Variants in CRB1 observed in about 807,000 individuals in gnomAD.
The protein encoded by CRB1 is crumbs cell polarity complex component 1.
A neutral mutation model predicts 120.0 loss-of-function variants in CRB1; 83 were observed. That is an observed-to-expected ratio of 0.69 (90% CI 0.58 to 0.83). CRB1 has a LOEUF of 0.83. Among genes scored for constraint, CRB1 ranks in the 40% least tolerant of loss-of-function variants. The pLI is 0.00. For missense variants in CRB1, 1,699 were observed against 1,687.6 expected (o/e 1.01, Z -0.12); for synonymous variants, 625 against 612.5 (o/e 1.02, Z -0.30).
chr1:197,467,589 T>A (rs1420695289), intron 11 of CRB1, among the ~76,000 whole-genome samples: 1 of 152,226 alleles, frequency 6.6e-6, no homozygotes, highest in Non-Finnish European at 1.5e-5. Context: ...TATCTTTTTT[T>A]ATCTCAAACT....
At chr1:197,250,473 CCCTT>C in the CRB1 span, among the ~76,000 whole-genome samples, 33 of 152,084 alleles carry the variant, frequency 2.2e-4, no homozygotes, top group East Asian at 4.7e-3. Flanking sequence ...TTTTAGGACT[CCCTT>C]CCTGTCTGCT....
At chr1:197,457,228 T>C (rs1237943805) in intron 11 of CRB1, among the ~76,000 whole-genome samples, 2 of 152,092 alleles carry the variant, frequency 1.3e-5, no homozygotes, top group Non-Finnish European at 2.9e-5. Context: ...ATAATAATAC[T>C]AATAGTGGCT....
intron 11 of CRB1, among the ~76,000 whole-genome samples, chr1:197,460,001 CTTTTTTT>C (rs10679172): frequency 4.0e-5 from 3 of 75,614 alleles, no homozygotes; most frequent in African/African-American, 1.3e-4. Flanking sequence ...AAGCCCCCCT[CTTTTTTT>C]TTTTTTTTTT....
the CRB1 span, among the ~76,000 whole-genome samples, chr1:197,258,475 C>T: frequency 6.6e-6 from 1 of 152,144 alleles, no homozygotes; most frequent in East Asian, 1.9e-4. Context: ...CCCAATGTTC[C>T]ATTGATATTT....
At chr1:197,409,266 T>C (rs1663575917) in intron 5 of CRB1, among the ~76,000 whole-genome samples, 1 of 152,196 alleles carries the variant, frequency 6.6e-6, no homozygotes, top group Non-Finnish European at 1.5e-5. Flanking sequence ...ACCAACATAG[T>C]AACACCACAT....
chr1:197,283,123 A>T (rs932958629), intron 1 of CRB1, among the ~76,000 whole-genome samples: 5 of 152,076 alleles, frequency 3.3e-5, no homozygotes, highest in South Asian at 2.1e-4. Flanking sequence ...AAAAAAAATA[A>T]AAATAAACAC....
At position 197,327,108 on chromosome 1, in the gene CRB1, A is replaced by AC. The variant is rs1558055603; in HGVS notation, c.71-1314_71-1313insC. Among the ~76,000 whole-genome samples, 632 of 74,884 alleles carry AC rather than the reference A, an allele frequency of 8.4e-3. 11 individuals are homozygous for AC. Among genetic ancestry groups the AC allele is most frequent in the African/African-American group, 0.038 (599 of 15,792 alleles). 49.1% of individuals were successfully genotyped at this position (74,884 alleles called of 152,430 possible). ...TCACACACCAAAAAAAAAAAAAAAA[A>AC]AAAAAAAAAAAAAAAAAAAAAAAAC... On this transcript the variant is annotated intron_variant, in intron 1 of 11. Transcript: ENST00000367400.
intron 11 of CRB1, among the ~76,000 whole-genome samples, chr1:197,452,250 G>T (rs1057255010): frequency 3.3e-5 from 5 of 152,184 alleles, no homozygotes; most frequent in African/African-American, 9.6e-5. Flanking sequence ...GAGAGATTGT[G>T]AATGAGAGTC....
At chr1:197,236,687 G>C in the CRB1 span, among the ~76,000 whole-genome samples, 2 of 152,132 alleles carry the variant, frequency 1.3e-5, no homozygotes, top group Non-Finnish European at 2.9e-5. Flanking sequence ...AGTTAAAGAA[G>C]TTCCCCTCTA....
At chr1:197,397,237 A>G (rs1662817374) in intron 5 of CRB1, among the ~76,000 whole-genome samples, 1 of 152,142 alleles carries the variant, frequency 6.6e-6, no homozygotes. Context: ...GCAACTATTA[A>G]CTATTTTATA....
chr1:197,400,403 C>T (rs746594616), intron 5 of CRB1, among the ~76,000 whole-genome samples: 5 of 150,942 alleles, frequency 3.3e-5, no homozygotes, highest in Admixed American at 6.6e-5. Context: ...CCTGCAGCCT[C>T]GACATCCTAG....
the CRB1 span, among the ~76,000 whole-genome samples, chr1:197,208,342 G>C: frequency 5.3e-5 from 8 of 152,084 alleles, no homozygotes; most frequent in Non-Finnish European, 1.5e-5. Context: ...CTTCTCTTTT[G>C]GGTAGACTAT....
intron 3 of CRB1, among the ~76,000 whole-genome samples, chr1:197,346,902 C>T (rs1571877136): frequency 1.3e-5 from 2 of 152,152 alleles, no homozygotes; most frequent in African/African-American, 4.8e-5. Context: ...TTAATGGGCT[C>T]TCTGTATAAC....
intron 1 of CRB1, among the ~76,000 whole-genome samples, chr1:197,326,139 C>G (rs1200437702): frequency 6.6e-6 from 1 of 151,964 alleles, no homozygotes; most frequent in Non-Finnish European, 1.5e-5. Context: ...CATAAAGAAA[C>G]TATTAAGGTA....
At chr1:197,413,046 GGTCT>G (rs1399329648) in intron 5 of CRB1, among the ~76,000 whole-genome samples, 1 of 152,078 alleles carries the variant, frequency 6.6e-6, no homozygotes, top group East Asian at 1.9e-4. Flanking sequence ...TAAGAGACAA[GGTCT>G]CAACCTAAAG....
intron 1 of CRB1, among the ~76,000 whole-genome samples, chr1:197,303,652 G>A (rs1657006328): frequency 6.6e-6 from 1 of 152,008 alleles, no homozygotes; most frequent in African/African-American, 2.4e-5. Context: ...GTCCTAGCTA[G>A]ATTGATGATA....
intron 5 of CRB1, among the ~76,000 whole-genome samples, chr1:197,405,417 G>C (rs552015952): frequency 4.0e-5 from 6 of 151,448 alleles, no homozygotes; most frequent in South Asian, 2.1e-4. Flanking sequence ...GTGTGATCTC[G>C]GCTCGCTACA....
chr1:197,381,182 C>T (rs1661936538), intron 5 of CRB1, among the ~76,000 whole-genome samples: 1 of 152,158 alleles, frequency 6.6e-6, no homozygotes, highest in Admixed American at 6.6e-5. Context: ...AAATGGGTTC[C>T]TCATTCTGGT....
chr1:197,305,997 G>T (rs1014609486), intron 1 of CRB1, among the ~76,000 whole-genome samples: 1 of 152,032 alleles, frequency 6.6e-6, no homozygotes, highest in Non-Finnish European at 1.5e-5. Context: ...TGTAAGGAGT[G>T]CAACCAAGGA....
Sources: allele counts gnomAD v4.1 joint callset (sites outside exome capture counted in the v4.1 genomes callset), GRCh38; gene constraint gnomAD v4.1.1; transcripts MANE v1.5; gene names NCBI Gene and HGNC (gene_info 2026-07-23, HGNC 2026-07-21).